OPA1: variants seen among roughly 807,000 people sequenced by gnomAD.
The protein encoded by OPA1 is dynamin-like GTPase OPA1, mitochondrial.
In OPA1, 59 loss-of-function variants were observed where a neutral mutation model predicts 152.9. The ratio of observed to expected loss-of-function variants is 0.39; its 90% CI spans 0.31 to 0.48. The LOEUF is 0.48. Among genes scored for constraint, OPA1 ranks in the 20% least tolerant of loss-of-function variants. The pLI, the probability that OPA1 is intolerant of heterozygous loss-of-function variation, is 0.96. For synonymous variants in OPA1, 400 were observed against 389.9 expected, an observed-to-expected ratio of 1.03 and a Z score of -0.31; for missense variants, 1,008 against 1,216.8, an observed-to-expected ratio of 0.83 and a Z score of 2.55.
Position 193,695,938 on chromosome 3 carries a change from A to G in OPA1, c.*1338A>G, listed in dbSNP as rs1036015284. 5.3e-5 allele frequency: 8 copies of G among 152,228 alleles called. No individual in the cohort carries two copies. Among genetic ancestry groups the G allele is most frequent in the African/African-American group, 1.4e-4 (6 of 41,452 alleles). The allele number at this position is 152,228 out of a possible 1,614,324, so 9.4% of individuals were successfully genotyped here. ...TGAAAAAATACTTCCGAAACCAGGA[A>G]TTCAATGTATGTTTGTTTTATACTG... On this transcript the variant is annotated 3_prime_UTR_variant, in exon 31 of 31. Coordinates refer to ENST00000361510, the MANE Select transcript of OPA1 (RefSeq NM_130837.3).
intron 8 of OPA1, among the ~76,000 whole-genome samples, chr3:193,634,477 G>A (rs1363070990): frequency 2.0e-5 from 3 of 151,854 alleles, no homozygotes; most frequent in Admixed American, 2.0e-4. Context: ...GAGTGCAGTG[G>A]TGCAATCTTG....
Position 193,617,231 on chromosome 3 carries a change from G to C in OPA1, c.502G>C (p.Asp168His). ...SSEDLVKLAPDFDKIVESLSL... is the reference protein window; with the variant it reads ...SSEDLVKLAPHFDKIVESLSL... The stretch of plus-strand genomic sequence containing the variant: ...AGAAGACCTTGTAAAGTTAGCACCA[G>C]ACTTTGACAAGATTGTTGAAAGCCT... The change falls in exon 4 of 31, where the codon GAC becomes CAC. Residue 168 changes from aspartate (D) to histidine (H), a missense_variant. Physicochemically the swap from Asp to His is moderately conservative, Grantham distance 81 (BLOSUM62 -1). Around this residue, in one of 7 missense-constraint regions of OPA1, gnomAD observed 408 missense variants for 395.1 expected, o/e 1.03. Transcript: ENST00000361510. 6.2e-7 allele frequency: 1 copy of C among 1,613,324 alleles called. No homozygotes were observed. The highest frequency in any genetic ancestry group is 8.5e-7 in the Non-Finnish European group (1 of 1,179,476).
intron 6 of OPA1, 102 bp downstream of exon 6, chr3:193,619,038 T>A: frequency 1.1e-6 from 1 of 895,642 alleles, no homozygotes; most frequent in Non-Finnish European, 1.9e-6. Context: ...GAGAAGCAAA[T>A]ACAAAAACAT....
intron 10 of OPA1, 106 bp downstream of exon 10, chr3:193,637,387 A>T: frequency 3.4e-6 from 2 of 595,148 alleles, no homozygotes; most frequent in South Asian, 5.0e-5. Flanking sequence ...TATACATACT[A>T]GATGTAGGCA....
intron 26 of OPA1, among the ~76,000 whole-genome samples, chr3:193,663,615 T>C (rs1715831672): frequency 6.6e-6 from 1 of 152,106 alleles, no homozygotes; most frequent in Non-Finnish European, 1.5e-5. Flanking sequence ...CCTTATAATA[T>C]TAGCTTAAGT....
chr3:193,621,137 C>A (rs1424542693), intron 6 of OPA1, among the ~76,000 whole-genome samples: 2 of 152,148 alleles, frequency 1.3e-5, no homozygotes, highest in Non-Finnish European at 2.9e-5. Context: ...GGCTAGACTT[C>A]TACTAGAAAT....
intron 1 of OPA1, among the ~76,000 whole-genome samples, chr3:193,602,684 CA>C (rs1007593828): frequency 4.6e-5 from 7 of 152,150 alleles, no homozygotes; most frequent in South Asian, 2.1e-4. Context: ...TTTCAGTTTT[CA>C]AATGCCATTT....
rs1324194756 is a variant in OPA1, at chr3:193,696,799, T to G, written c.*2199T>G. On this transcript the variant is annotated 3_prime_UTR_variant, in exon 31 of 31. Coordinates refer to ENST00000361510, the MANE Select transcript of OPA1 (RefSeq NM_130837.3). ...AGCTCTGTATGGAAGACTGAACAACTGTAAATAGATGATATCCAAACTTAA... is the reference window on the plus strand; with the variant it reads ...AGCTCTGTATGGAAGACTGAACAACGGTAAATAGATGATATCCAAACTTAA... 4 of 152,154 alleles carry G rather than the reference T, an allele frequency of 2.6e-5. No individual in the cohort carries two copies. 9.4% of individuals were successfully genotyped at this position (152,154 alleles called of 1,614,324 possible).
At chr3:193,693,114 T>C (rs896170601) in intron 30 of OPA1, among the ~76,000 whole-genome samples, 5 of 152,032 alleles carry the variant, frequency 3.3e-5, no homozygotes, top group African/African-American at 9.7e-5. Flanking sequence ...GGAGTAGAAA[T>C]GTAAAAGGTT....
At chr3:193,632,391 G>A (rs9859112) in intron 8 of OPA1, among the ~76,000 whole-genome samples, 69 of 152,280 alleles carry the variant, frequency 4.5e-4, no homozygotes, top group African/African-American at 1.6e-3. Context: ...TGAGGCAGGA[G>A]AATGGTGTGA....
chr3:193,687,905 A>G (rs1721127177), intron 29 of OPA1, among the ~76,000 whole-genome samples: 2 of 152,240 alleles, frequency 1.3e-5, no homozygotes. Context: ...CTTGATAATA[A>G]GGTGCAACCA....
chr3:193,614,629 G>A, intron 1 of OPA1, 94 bp from the exon 2 acceptor site: 1 of 885,616 alleles, frequency 1.1e-6, no homozygotes, highest in Admixed American at 1.8e-5. Flanking sequence ...TCACGTATGG[G>A]GCTGTGTTTC....
At chr3:193,597,370 G>A (rs1485303903) in intron 1 of OPA1, among the ~76,000 whole-genome samples, 2 of 152,122 alleles carry the variant, frequency 1.3e-5, no homozygotes, top group African/African-American at 2.4e-5. Context: ...GGTGCCCTCC[G>A]TAAGAGCTGT....
At chr3:193,652,667 G>A (rs1560388303) in intron 21 of OPA1, among the ~76,000 whole-genome samples, 2 of 152,146 alleles carry the variant, frequency 1.3e-5, no homozygotes, top group African/African-American at 4.8e-5. Flanking sequence ...AGGTTTGGAG[G>A]TAAGAATAGG....
intron 21 of OPA1, among the ~76,000 whole-genome samples, chr3:193,652,318 G>T (rs1323583295): frequency 6.6e-6 from 1 of 151,860 alleles, no homozygotes; most frequent in Non-Finnish European, 1.5e-5. Flanking sequence ...GGAAGCGGAG[G>T]TTGCTGTGAG....
rs1369310365 is a variant in OPA1, at chr3:193,615,725, A to G, written c.403A>G (p.Ile135Val). ...ACCGGACCTTAGTGAATATAAATGGATTGTGCCTGACATTGTGTGGGAAAT... is the reference window on the plus strand; with the variant it reads ...ACCGGACCTTAGTGAATATAAATGGGTTGTGCCTGACATTGTGTGGGAAAT... ...MIPDLSEYKW[I>V]VPDIVWEIDE... is the part of the protein sequence containing the mutation. Residue 135 changes from isoleucine to valine, a missense_variant, in exon 3 of 31, where the codon ATT becomes GTT. This residue lies in a region of OPA1 where 408 missense variants were observed against 395.1 expected (regional missense o/e 1.03). Transcript: ENST00000361510. The G allele has an allele frequency of 6.2e-7, 1 of 1,612,766 alleles. No homozygotes were observed. The highest frequency in any genetic ancestry group is 1.1e-5 in the South Asian group (1 of 91,064).
intron 29 of OPA1, chr3:193,668,508 C>G: frequency 6.5e-7 from 1 of 1,550,064 alleles, no homozygotes; most frequent in South Asian, 1.2e-5. Flanking sequence ...TCATCCTTCC[C>G]ACCCGCTAGC....
At chr3:193,677,359 T>A (rs1471786451) in intron 29 of OPA1, among the ~76,000 whole-genome samples, 3 of 149,752 alleles carry the variant, frequency 2.0e-5, no homozygotes, top group Non-Finnish European at 3.0e-5. Flanking sequence ...AGTGGTGTGA[T>A]CATGGCTCAC....
Position 193,603,924 on chromosome 3 carries a change from G to C in OPA1, c.32+10515G>C, listed in dbSNP as rs537783914. Among the ~76,000 whole-genome samples the C allele has an allele frequency of 2.6e-4, 39 of 147,672 alleles. 1 individual carries two copies. In the East Asian group the frequency reaches 6.9e-3, roughly 26 times the overall value. ...TCACCATCATCAGGCAGAGATAACA[G>C]AGTAGCAGCATTAAGTAGATTACAG... On this transcript the variant is annotated intron_variant, in intron 1 of 30. Coordinates refer to ENST00000361510, the MANE Select transcript of OPA1 (RefSeq NM_130837.3).
Sources: allele counts gnomAD v4.1 joint callset (sites outside exome capture counted in the v4.1 genomes callset), GRCh38; gene constraint gnomAD v4.1.1; regional missense constraint gnomAD v4.1.1; transcripts MANE v1.5; gene names NCBI Gene and HGNC (gene_info 2026-07-23, HGNC 2026-07-21).